The following SMCO2 variants were observed in gnomAD, a reference collection of about 807,000 sequenced individuals.
SMCO2 encodes single-pass membrane protein with coiled-coil domains 2.
SMCO2 carries 25 observed loss-of-function variants against 29.5 expected under a neutral mutation model. The observed-to-expected ratio is 0.85, with a 90% CI of 0.62 to 1.18. The LOEUF (loss-of-function observed/expected upper bound fraction) is 1.18, where lower values mean the gene tolerates loss of function less well. Among genes scored for constraint, SMCO2 ranks in the 50% most tolerant of loss-of-function variants. The probability of loss-of-function intolerance (pLI) is 0.00; values close to 1 mark genes in which losing one functional copy is unlikely to be tolerated. For missense variants in SMCO2, 348 were observed against 344.5 expected (o/e 1.01, Z -0.08); for synonymous variants, 117 against 123.3 (o/e 0.95, Z 0.34).
rs538439387 is a variant in SMCO2, at chr12:27,494,342, A to T, written c.493A>T (p.Ile165Leu). The change falls in exon 6 of 8, where the codon ATA (isoleucine) becomes TTA (leucine). Residue 165 changes from isoleucine (I) to leucine (L), a missense_variant. Transcript: ENST00000298876. ...AGTTTATGAATTAAAGAAGAAAGTC[A>T]TAGAAAGGCTGGAGGTAAGATTTCA... is the stretch of plus-strand genomic sequence containing the variant. 60 of 1,525,438 alleles carry T rather than the reference A, an allele frequency of 3.9e-5. No individual in the cohort carries two copies. The Middle Eastern group carries it at 5.1e-4, about 13-fold the overall frequency. 94.5% of individuals were successfully genotyped at this position (1,525,438 alleles called of 1,614,324 possible).
chr12:27,432,485 A>G, the SMCO2 span, among the ~76,000 whole-genome samples: 1 of 152,242 alleles, frequency 6.6e-6, no homozygotes, highest in African/African-American at 2.4e-5. Flanking sequence ...AGCATTGTAA[A>G]TATGAGAGGC....
At chr12:27,496,063 T>C (rs908912464) in intron 7 of SMCO2, among the ~76,000 whole-genome samples, 8 of 150,490 alleles carry the variant, frequency 5.3e-5, no homozygotes, top group Non-Finnish European at 8.8e-5. Flanking sequence ...TCGATATATA[T>C]AGATTGCTTT....
chr12:27,436,248 T>A, the SMCO2 span, among the ~76,000 whole-genome samples: 60 of 152,354 alleles, frequency 3.9e-4, no homozygotes, highest in Admixed American at 6.5e-4. Flanking sequence ...AAACATTCAG[T>A]CTGCAGCACT....
chr12:27,441,214 G>A, the SMCO2 span, among the ~76,000 whole-genome samples: 6 of 151,894 alleles, frequency 4.0e-5, no homozygotes, highest in East Asian at 1.9e-4. Context: ...AGCCATGGTC[G>A]TGCCACTGCA....
chr12:27,425,223 A>G, the SMCO2 span: 1 of 151,986 alleles, frequency 6.6e-6, no homozygotes, highest in East Asian at 1.9e-4. Flanking sequence ...AAAAGAGTGA[A>G]ATTATATTTT....
the SMCO2 span, among the ~76,000 whole-genome samples, chr12:27,451,252 G>C: frequency 6.6e-6 from 1 of 152,164 alleles, no homozygotes; most frequent in Non-Finnish European, 1.5e-5. Context: ...ACAGGGTTAG[G>C]CTCTTTCAAG....
At chr12:27,443,666 G>A in the SMCO2 span, among the ~76,000 whole-genome samples, 5 of 152,258 alleles carry the variant, frequency 3.3e-5, no homozygotes, top group African/African-American at 1.2e-4. Context: ...CAATAAAGGT[G>A]CAGGACACAA....
At chr12:27,494,334 A>C (rs1327377085) in exon 6 of SMCO2, 1 of 1,524,750 alleles carries the variant, frequency 6.6e-7, no homozygotes, top group Non-Finnish European at 8.8e-7. Context: ...GAATTAAAGA[A>C]GAAAGTCATA....
intron 5 of SMCO2, among the ~76,000 whole-genome samples, chr12:27,489,957 G>A (rs1949721518): frequency 6.6e-6 from 1 of 152,170 alleles, no homozygotes; most frequent in African/African-American, 2.4e-5. Context: ...AAATGAAAGT[G>A]AGATTTTTTT....
At chr12:27,495,769 A>C (rs751493883) in exon 7 of SMCO2, 2 of 1,541,546 alleles carry the variant, frequency 1.3e-6, no homozygotes, top group Non-Finnish European at 1.8e-6. Context: ...GTTCTGAGGA[A>C]ATAGATACGG....
intron 6 of SMCO2, 83 bp downstream of exon 7, chr12:27,494,439 T>A: frequency 1.3e-6 from 1 of 767,862 alleles, no homozygotes; most frequent in Non-Finnish European, 2.0e-6. Flanking sequence ...TTGCCTAGAA[T>A]ATGACGGTGC....
the SMCO2 span, among the ~76,000 whole-genome samples, chr12:27,444,862 A>G: frequency 6.6e-6 from 1 of 152,208 alleles, no homozygotes; most frequent in Non-Finnish European, 1.5e-5. Context: ...AAGGAAATCA[A>G]TATATCAAAG....
the SMCO2 span, among the ~76,000 whole-genome samples, chr12:27,441,346 C>T: frequency 4.4e-4 from 67 of 152,220 alleles, no homozygotes; most frequent in South Asian, 0.012. Context: ...TTGCCCACTT[C>T]GCCTATAAAA....
At chr12:27,499,145 T>TG (rs945423547) in intron 7 of SMCO2, among the ~76,000 whole-genome samples, 11 of 150,958 alleles carry the variant, frequency 7.3e-5, no homozygotes, top group Admixed American at 1.3e-4. Flanking sequence ...CAAATGTTCA[T>TG]GGCAGCATTA....
exon 5 of SMCO2, chr12:27,488,471 A>G: frequency 6.5e-7 from 1 of 1,533,836 alleles, no homozygotes; most frequent in Non-Finnish European, 8.8e-7. Flanking sequence ...TTATTAAAAG[A>G]CATGCTGACC....
chr12:27,433,538 CACACAT>C, the SMCO2 span, among the ~76,000 whole-genome samples: 50 of 121,792 alleles, frequency 4.1e-4, no homozygotes, highest in Non-Finnish European at 5.9e-4. Context: ...CACACACACA[CACACAT>C]ATATCATATT....
At chr12:27,494,444 CG>C (rs1942971398) in intron 6 of SMCO2, 88 bp downstream of exon 7, 1 of 604,836 alleles carries the variant, frequency 1.7e-6, no homozygotes, top group Non-Finnish European at 2.6e-6. Flanking sequence ...TAGAATATGA[CG>C]GTGCACCACA....
At chr12:27,433,388 C>T in the SMCO2 span, among the ~76,000 whole-genome samples, 1 of 151,992 alleles carries the variant, frequency 6.6e-6, no homozygotes, top group Non-Finnish European at 1.5e-5. Context: ...GGAAACAATC[C>T]AAACTTATAT....
chr12:27,460,717 C>T, the SMCO2 span, among the ~76,000 whole-genome samples: 1 of 152,226 alleles, frequency 6.6e-6, no homozygotes, highest in Middle Eastern at 3.4e-3. Flanking sequence ...TATAAGTGGA[C>T]TCTCGCAGTT....
Sources: allele counts gnomAD v4.1 joint callset (sites outside exome capture counted in the v4.1 genomes callset), GRCh38; gene constraint gnomAD v4.1.1; transcripts MANE v1.5; gene names NCBI Gene and HGNC (gene_info 2026-07-23, HGNC 2026-07-21).